PRKCH: variants seen among roughly 807,000 people sequenced by gnomAD.
PRKCH encodes the protein protein kinase C eta.
A neutral mutation model predicts 82.5 loss-of-function variants in PRKCH; 28 were observed. The observed-to-expected ratio is 0.34, with a 90% confidence interval of 0.25 to 0.47. PRKCH has a LOEUF of 0.47. Among genes scored for constraint, PRKCH ranks in the 20% least tolerant of loss-of-function variants. The probability of loss-of-function intolerance (pLI) is 1.00; values close to 1 mark genes in which losing one functional copy is unlikely to be tolerated. For missense variants in PRKCH, 705 were observed against 881.8 expected (o/e 0.80, Z 2.54); for synonymous variants, 322 against 327.4 (o/e 0.98, Z 0.18).
At chr14:61,379,944 C>A (rs546557465) in intron 1 of PRKCH, among the ~76,000 whole-genome samples, 1 of 152,302 alleles carries the variant, frequency 6.6e-6, no homozygotes, top group South Asian at 2.1e-4. Flanking sequence ...AGGGGATGCA[C>A]AATTACTCTT....
chr14:61,203,772 T>C (rs770829695), intron 1 of PRKCH, among the ~76,000 whole-genome samples: 24 of 151,946 alleles, frequency 1.6e-4, no homozygotes, highest in South Asian at 4.2e-4. Context: ...TCCCAGGAGG[T>C]TGAGGCTGCA....
rs2230500 is a variant in PRKCH at position 61,457,521 on chromosome 14, G to A, written c.1120G>A (p.Val374Ile). ...GSFGKVMLAR[V>I]KETGDLYAVK... ...TTTGCCATAGGTGATGCTTGCAAGA[G>A]TAAAAGAAACAGGAGACCTCTATGC... The change falls in exon 9 of 14, where the codon GTA becomes ATA. Residue 374 changes from valine (V) to isoleucine (I), a missense_variant. Physicochemically the swap from Val to Ile is conservative, Grantham distance 29. Around this residue, in one of 5 missense-constraint regions of PRKCH, gnomAD observed 238 missense variants for 258.1 expected, o/e 0.92. Coordinates refer to ENST00000332981, the MANE Select transcript of PRKCH (RefSeq NM_006255.5). The A allele has an allele frequency of 0.018, 29,165 of 1,614,004 alleles. 1,583 individuals carry two copies. The East Asian group carries it at 0.24, about 13-fold the overall frequency.
chr14:61,480,151 T>A (rs1017807283), intron 9 of PRKCH, among the ~76,000 whole-genome samples: 2 of 152,152 alleles, frequency 1.3e-5, no homozygotes, highest in African/African-American at 4.8e-5. Context: ...AAAATGGACT[T>A]TAGAAAAACC....
chr14:61,187,686 T>G (rs2044373941), intron 1 of PRKCH: 1 of 152,190 alleles, frequency 6.6e-6, no homozygotes, highest in Non-Finnish European at 1.5e-5. Context: ...TGTGCTTGAG[T>G]GCACAAAAAG....
chr14:61,268,189 T>C (rs1594882766), intron 1 of PRKCH, among the ~76,000 whole-genome samples: 1 of 152,126 alleles, frequency 6.6e-6, no homozygotes, highest in East Asian at 1.9e-4. Flanking sequence ...AGTGAGTCTG[T>C]CTAAGTGCCA....
chr14:61,339,074 C>T (rs2045895623), intron 1 of PRKCH, among the ~76,000 whole-genome samples: 1 of 152,048 alleles, frequency 6.6e-6, no homozygotes, highest in African/African-American at 2.4e-5. Flanking sequence ...GGCCTCCCCA[C>T]CACTTTCCCT....
intron 7 of PRKCH, among the ~76,000 whole-genome samples, chr14:61,455,253 G>C (rs1193843384): frequency 6.7e-6 from 1 of 150,294 alleles, no homozygotes; most frequent in Non-Finnish European, 1.5e-5. Flanking sequence ...TGTTACCCAG[G>C]ATGGTCTCGA....
chr14:61,462,758 G>GA, intron 9 of PRKCH, among the ~76,000 whole-genome samples: 1 of 152,214 alleles, frequency 6.6e-6, no homozygotes, highest in South Asian at 2.1e-4. Context: ...ATTTAGGAGT[G>GA]AGAGGGGGTG....
At chr14:61,395,299 C>CCCA (rs1566857184) in intron 2 of PRKCH, among the ~76,000 whole-genome samples, 6 of 147,616 alleles carry the variant, frequency 4.1e-5, no homozygotes, top group Non-Finnish European at 7.6e-5. Flanking sequence ...AGCCCCCCCC[C>CCCA]GCATTTGCCT....
At chr14:61,539,167 A>T (rs1312985311) in intron 12 of PRKCH, among the ~76,000 whole-genome samples, 1 of 152,220 alleles carries the variant, frequency 6.6e-6, no homozygotes, top group Non-Finnish European at 1.5e-5. Flanking sequence ...TCCATCTCCG[A>T]GACTTGCCTC....
intron 10 of PRKCH, among the ~76,000 whole-genome samples, chr14:61,502,611 G>A (rs1344635744): frequency 1.3e-5 from 2 of 152,112 alleles, no homozygotes; most frequent in Non-Finnish European, 1.5e-5. Context: ...GTTATAGAGT[G>A]CCTTCTGTTG....
At chr14:61,527,568 C>CA (rs2042983234) in intron 10 of PRKCH, among the ~76,000 whole-genome samples, 1 of 152,150 alleles carries the variant, frequency 6.6e-6, no homozygotes, top group Non-Finnish European at 1.5e-5. Context: ...CGGTTTCAGC[C>CA]TCCCCCAACT....
intron 1 of PRKCH, among the ~76,000 whole-genome samples, chr14:61,240,971 C>T (rs1321230345): frequency 6.0e-5 from 7 of 117,030 alleles, no homozygotes; most frequent in Non-Finnish European, 1.1e-4. Context: ...TCAATTCTGA[C>T]ACTATGTACC....
chr14:61,409,576 C>T (rs531993166), intron 2 of PRKCH, among the ~76,000 whole-genome samples: 6 of 151,816 alleles, frequency 4.0e-5, no homozygotes, highest in African/African-American at 1.4e-4. Context: ...TGGTGTGCAC[C>T]TGTATTCCCA....
At chr14:61,422,236 A>G (rs1038530088) in intron 2 of PRKCH, among the ~76,000 whole-genome samples, 6 of 152,078 alleles carry the variant, frequency 3.9e-5, no homozygotes, top group Admixed American at 1.3e-4. Flanking sequence ...GGCATGTACT[A>G]CCATGCCCAG....
At chr14:61,542,557 A>G (rs1001592464) in intron 12 of PRKCH, among the ~76,000 whole-genome samples, 1 of 152,138 alleles carries the variant, frequency 6.6e-6, no homozygotes, top group Non-Finnish European at 1.5e-5. Flanking sequence ...TCCAAAGACC[A>G]TTCCTCCCAC....
intron 1 of PRKCH, among the ~76,000 whole-genome samples, chr14:61,366,180 C>T (rs1388127457): frequency 6.6e-6 from 1 of 152,060 alleles, no homozygotes; most frequent in South Asian, 2.1e-4. Flanking sequence ...AAAAATCGTA[C>T]ACTTTTTGAA....
intron 1 of PRKCH, among the ~76,000 whole-genome samples, chr14:61,334,230 T>C (rs2045825010): frequency 6.6e-6 from 1 of 152,294 alleles, no homozygotes; most frequent in Admixed American, 6.5e-5. Flanking sequence ...GAGCCTGTTC[T>C]AGGTGTTACA....
Position 61,338,649 on chromosome 14 carries a change from G to A in PRKCH, c.363+16185G>A, listed in dbSNP as rs74695353. 3.4e-4 allele frequency among the ~76,000 whole-genome samples: 52 copies of A among 152,242 alleles called. No homozygotes were observed. In the East Asian group the frequency reaches 9.5e-3, roughly 28 times the overall value. The stretch of plus-strand genomic sequence containing the variant: ...GATAAGAACAGGACACCAACAGGGG[G>A]CATAAACAAGATCTAGGTACAACTG... On this transcript the variant is annotated intron_variant, in intron 1 of 13. Coordinates refer to ENST00000332981, the MANE Select transcript of PRKCH (RefSeq NM_006255.5).
Sources: gnomAD v4.1 joint callset for allele counts (sites outside exome capture counted in the v4.1 genomes callset) on GRCh38, gnomAD v4.1.1 for gene constraint, gnomAD v4.1.1 regional missense constraint, MANE v1.5 for transcripts, NCBI Gene and HGNC (gene_info 2026-07-23, HGNC 2026-07-21) for gene names.